Variants in SLC12A1 observed in about 807,000 individuals in gnomAD.
SLC12A1 encodes Na-K-2Cl cotransporter.
A neutral mutation model predicts 130.4 loss-of-function variants in SLC12A1; 89 were observed. The ratio of observed to expected loss-of-function variants is 0.68; its 90% CI spans 0.58 to 0.81. SLC12A1 has a LOEUF of 0.81. Among genes scored for constraint, SLC12A1 ranks in the 40% least tolerant of loss-of-function variants. The pLI is 0.00. For synonymous variants in SLC12A1, 499 were observed against 460.0 expected (o/e 1.08, Z -1.09); for missense variants, 1,310 against 1,336.4 (o/e 0.98, Z 0.31).
chr15:48,264,176 C>A (rs77898027), intron 17 of SLC12A1, among the ~76,000 whole-genome samples: 12,018 of 152,176 alleles, frequency 0.079, 1,220 homozygotes, highest in East Asian at 0.3. Context: ...TTTTCTTATT[C>A]ATTAATGTTA....
chr15:48,282,869 A>G (rs2042022255), intron 20 of SLC12A1, among the ~76,000 whole-genome samples: 1 of 152,214 alleles, frequency 6.6e-6, no homozygotes, highest in African/African-American at 2.4e-5. Context: ...CACAGGAGGA[A>G]GGTCTTCATG....
chr15:48,276,339 T>C (rs2041953460), intron 20 of SLC12A1, among the ~76,000 whole-genome samples: 1 of 152,192 alleles, frequency 6.6e-6, no homozygotes, highest in African/African-American at 2.4e-5. Context: ...GGCTGAACTG[T>C]GTCTCCCCCA....
intron 9 of SLC12A1, among the ~76,000 whole-genome samples, chr15:48,238,128 C>T (rs189205878): frequency 3.4e-4 from 52 of 152,326 alleles, no homozygotes; most frequent in Non-Finnish European, 6.5e-4. Context: ...TACTTTATTA[C>T]AAGCAATGCC....
Position 48,249,619 on chromosome 15 carries a change from G to C in SLC12A1, c.1729G>C (p.Ala577Pro). The stretch of plus-strand genomic sequence containing the variant: ...TCCCATCATCTCCAACTTTTTCCTG[G>C]CCTCATATGCACTTATTAATTTCTC... The part of the protein sequence containing the change: ...IAPIISNFFL[A>P]SYALINFSCF... Residue 577 changes from alanine (A) to proline (P), a missense_variant, in exon 14 of 27, where the codon GCC becomes CCC. By Grantham distance (27) the Ala-to-Pro change is conservative. Transcript: ENST00000380993. 6.2e-7 allele frequency: 1 copy of C among 1,613,842 alleles called. No individual in the cohort carries two copies. Among genetic ancestry groups the C allele is most frequent in the Non-Finnish European group, 8.5e-7 (1 of 1,179,864 alleles).
At chr15:48,227,589 A>G (rs1294170260) in intron 5 of SLC12A1, 1 of 193,964 alleles carries the variant, frequency 5.2e-6, no homozygotes, top group African/African-American at 2.4e-5. Flanking sequence ...GGCTCACCCC[A>G]AACGCTGTGC....
At position 48,226,481 on chromosome 15, in the gene SLC12A1, G is replaced by A. The variant is rs752019810; in HGVS notation, c.634G>A (p.Gly212Arg). 6.3e-7 allele frequency: 1 copy of A among 1,580,400 alleles called. No individual in the cohort carries two copies. Among genetic ancestry groups the A allele is most frequent in the Non-Finnish European group, 8.6e-7 (1 of 1,158,508 alleles). The change falls in exon 5 of 27, where the codon GGA (glycine) becomes AGA (arginine). Residue 212 changes from glycine to arginine, a missense_variant. Gly to Arg is a moderately radical substitution (Grantham distance 125). Transcript: ENST00000380993. ...CTATCTTTCATTGCTAACAGGTCTT[G>A]GAGTTCTCATAATTCTTCTTTCCAC... ...WIVGEAGIGLGVLIILLSTMV... is the reference protein window; with the variant it reads ...WIVGEAGIGLRVLIILLSTMV...
intron 23 of SLC12A1, among the ~76,000 whole-genome samples, chr15:48,291,139 C>T (rs758124578): frequency 1.2e-4 from 18 of 151,472 alleles, no homozygotes; most frequent in East Asian, 1.9e-4. Context: ...GTAAATCAAA[C>T]GGGACAAAAT....
intron 26 of SLC12A1, 119 bp downstream of exon 26, chr15:48,301,501 T>TGGCG: frequency 4.5e-6 from 2 of 448,620 alleles, no homozygotes; most frequent in Non-Finnish European, 6.8e-6. Flanking sequence ...TGTGTTTTTT[T>TGGCG]TGGGGGGGGG....
intron 18 of SLC12A1, among the ~76,000 whole-genome samples, chr15:48,268,448 T>C (rs778400701): frequency 3.3e-5 from 5 of 152,152 alleles, no homozygotes; most frequent in Non-Finnish European, 1.5e-5. Flanking sequence ...TATGAAATGG[T>C]GCATTTGGCT....
At chr15:48,295,606 A>T (rs571666159) in intron 24 of SLC12A1, among the ~76,000 whole-genome samples, 2 of 152,372 alleles carry the variant, frequency 1.3e-5, no homozygotes, top group African/African-American at 4.8e-5. Context: ...TCCTGGAATA[A>T]AGAGAATTAA....
intron 20 of SLC12A1, among the ~76,000 whole-genome samples, chr15:48,279,116 C>T (rs2041985200): frequency 6.6e-6 from 1 of 152,168 alleles, no homozygotes; most frequent in African/African-American, 2.4e-5. Flanking sequence ...GAAGAACACG[C>T]AGAAAAACAA....
chr15:48,293,944 A>G (rs988169633), intron 24 of SLC12A1, among the ~76,000 whole-genome samples: 3 of 151,988 alleles, frequency 2.0e-5, no homozygotes, highest in Non-Finnish European at 2.9e-5. Flanking sequence ...AGGCTGAGGC[A>G]GGTGAGATCA....
intron 18 of SLC12A1, among the ~76,000 whole-genome samples, chr15:48,268,751 C>T (rs543426750): frequency 1.4e-4 from 21 of 152,260 alleles, no homozygotes; most frequent in African/African-American, 4.6e-4. Flanking sequence ...GCTGATTTTT[C>T]TTTCAGTACC....
intron 8 of SLC12A1, among the ~76,000 whole-genome samples, 181 bp downstream of exon 8, chr15:48,233,019 A>G (rs867705186): frequency 1.3e-5 from 2 of 152,200 alleles, no homozygotes; most frequent in African/African-American, 4.8e-5. Context: ...GGCAAAAACT[A>G]TCATTCTCTT....
chr15:48,236,528 C>T (rs2041442049), intron 9 of SLC12A1, among the ~76,000 whole-genome samples: 1 of 152,182 alleles, frequency 6.6e-6, no homozygotes, highest in South Asian at 2.1e-4. Flanking sequence ...GCCAGAGGTG[C>T]TTGCCCTAGA....
Position 48,259,321 on chromosome 15 carries a change from A to G in SLC12A1, c.2154+10A>G, listed in dbSNP as rs1178631758. 5 of 1,559,710 alleles carry G rather than the reference A, an allele frequency of 3.2e-6. No individual in the cohort carries two copies. The highest frequency in any genetic ancestry group is 4.4e-6 in the Non-Finnish European group (5 of 1,130,340). Reference sequence around the variant, plus strand: ...CTGTGAAGTCTTTGTGGTAAGAGCCACTTCACCCCAGGGAAGTCCTTTTTC... The same window carrying G: ...CTGTGAAGTCTTTGTGGTAAGAGCCGCTTCACCCCAGGGAAGTCCTTTTTC... On this transcript the variant is annotated intron_variant, in intron 17 of 26. Coordinates refer to ENST00000380993, the MANE Select transcript of SLC12A1 (RefSeq NM_000338.3).
intron 4 of SLC12A1, chr15:48,225,226 G>A (rs1006024649): frequency 3.9e-5 from 6 of 152,140 alleles, no homozygotes; most frequent in African/African-American, 1.4e-4. Flanking sequence ...CGGTCAACAA[G>A]TTAATGTAAT....
chr15:48,211,702 A>G (rs2041053919), intron 2 of SLC12A1, among the ~76,000 whole-genome samples: 1 of 152,188 alleles, frequency 6.6e-6, no homozygotes, highest in Non-Finnish European at 1.5e-5. Flanking sequence ...TAGTCAGAAA[A>G]CCAGTTGGAT....
chr15:48,263,683 T>TTTTATTTA (rs201165308), intron 17 of SLC12A1, among the ~76,000 whole-genome samples: 19 of 151,642 alleles, frequency 1.3e-4, no homozygotes, highest in Admixed American at 7.9e-4. Context: ...CTCACTTTAT[T>TTTTATTTA]TTTATTTATT....
Sources: allele counts gnomAD v4.1 joint callset (sites outside exome capture counted in the v4.1 genomes callset), GRCh38; gene constraint gnomAD v4.1.1; transcripts MANE v1.5; gene names NCBI Gene and HGNC (gene_info 2026-07-23, HGNC 2026-07-21).